Variants in SUCLG2 observed in about 807,000 individuals in gnomAD.
SUCLG2 encodes the protein succinate-CoA ligase GDP-forming subunit beta.
SUCLG2 carries 42 observed loss-of-function variants against 47.9 expected under a neutral mutation model. The observed-to-expected ratio is 0.88, with a 90% confidence interval of 0.69 to 1.14. The LOEUF is 1.14. Ranked by LOEUF, SUCLG2 falls within the 50% of genes most tolerant of loss-of-function variation. The probability of loss-of-function intolerance (pLI) is 0.00; values close to 1 mark genes in which losing one functional copy is unlikely to be tolerated. For synonymous variants in SUCLG2, 195 were observed against 197.3 expected, an observed-to-expected ratio of 0.99 and a Z score of 0.10; for missense variants, 571 against 525.9, an observed-to-expected ratio of 1.09 and a Z score of -0.84.
chr3:67,543,199 C>T (rs1706763776), intron 2 of SUCLG2, among the ~76,000 whole-genome samples: 1 of 152,230 alleles, frequency 6.6e-6, no homozygotes, highest in South Asian at 2.1e-4. Flanking sequence ...ATTCAACAAC[C>T]TGCTCCGGAA....
chr3:67,490,819 T>C (rs1228468518), intron 9 of SUCLG2, among the ~76,000 whole-genome samples: 3 of 152,104 alleles, frequency 2.0e-5, no homozygotes, highest in Non-Finnish European at 2.9e-5. Flanking sequence ...AAATGGCTAA[T>C]AAATACATGA....
At chr3:67,389,240 T>C (rs1005965849) in intron 10 of SUCLG2, among the ~76,000 whole-genome samples, 1 of 152,106 alleles carries the variant, frequency 6.6e-6, no homozygotes, top group Non-Finnish European at 1.5e-5. Flanking sequence ...AGAAGAATGA[T>C]GGCATAGTTG....
At position 67,377,452 on chromosome 3, in the gene SUCLG2, A is replaced by G. The variant is rs1245999787; in HGVS notation, c.1184-1593T>C. ...CAGTAGAGTGCTATTGCTGGAAAGC[A>G]GCTGCCCAGCCAGAAACTACATTTC... On this transcript the variant is annotated intron_variant, in intron 10 of 10. Transcript: ENST00000307227. Among the ~76,000 whole-genome samples, 5 of 150,284 alleles carry G rather than the reference A, an allele frequency of 3.3e-5. No homozygotes were observed. In the East Asian group the frequency reaches 9.9e-4, roughly 30 times the overall value.
intron 9 of SUCLG2, among the ~76,000 whole-genome samples, chr3:67,458,430 G>A (rs4327406): frequency 0.55 from 83,022 of 151,956 alleles, 23,848 homozygotes; most frequent in Middle Eastern, 0.65. Flanking sequence ...TTTACTGCAT[G>A]AGAACAATTC....
At chr3:67,530,550 G>C (rs1706375719) in intron 2 of SUCLG2, among the ~76,000 whole-genome samples, 1 of 152,176 alleles carries the variant, frequency 6.6e-6, no homozygotes, top group Non-Finnish European at 1.5e-5. Flanking sequence ...AGCTGTGGAA[G>C]GTTTTATCAT....
chr3:67,486,698 A>T (rs944737933), intron 9 of SUCLG2, among the ~76,000 whole-genome samples: 4 of 152,220 alleles, frequency 2.6e-5, no homozygotes, highest in African/African-American at 9.6e-5. Flanking sequence ...AATGCTAGAA[A>T]GCATTCAATA....
intron 9 of SUCLG2, among the ~76,000 whole-genome samples, chr3:67,481,328 C>T (rs1696901167): frequency 6.6e-6 from 1 of 152,228 alleles, no homozygotes; most frequent in African/African-American, 2.4e-5. Flanking sequence ...AGCATTACTG[C>T]TCTAGACCAC....
intron 1 of SUCLG2, among the ~76,000 whole-genome samples, chr3:67,653,374 CAGT>C (rs1379259848): frequency 6.6e-6 from 1 of 152,058 alleles, no homozygotes. Context: ...AAGAATATTA[CAGT>C]AGTAAGTATT....
intron 9 of SUCLG2, among the ~76,000 whole-genome samples, chr3:67,492,721 T>C (rs1157704929): frequency 6.6e-6 from 1 of 152,206 alleles, no homozygotes; most frequent in Middle Eastern, 3.2e-3. Flanking sequence ...AAAAAGACTC[T>C]TGTTTTATTC....
rs1462604533 is a variant in SUCLG2 at position 67,606,033 on chromosome 3, T to C, written c.226+3422A>G. Among the ~76,000 whole-genome samples, 6 of 151,902 alleles carry C rather than the reference T, an allele frequency of 3.9e-5. No individual in the cohort carries two copies. The East Asian group carries it at 1.2e-3, about 29-fold the overall frequency. ...GGGCAACACAGAGAGACCCCATCTC[T>C]ACAAAAAATAAAGACACAAAAATTA... On this transcript the variant is annotated intron_variant, in intron 2 of 10. Coordinates refer to ENST00000307227, the MANE Select transcript of SUCLG2 (RefSeq NM_003848.4).
chr3:67,556,087 C>T (rs1385389396), intron 2 of SUCLG2, among the ~76,000 whole-genome samples: 1 of 152,064 alleles, frequency 6.6e-6, no homozygotes, highest in Non-Finnish European at 1.5e-5. Flanking sequence ...AAAGACCTGA[C>T]TTTTTTTTAA....
intron 5 of SUCLG2, 87 bp downstream of exon 5, chr3:67,520,395 C>A: frequency 6.4e-7 from 1 of 1,570,272 alleles, no homozygotes; most frequent in Non-Finnish European, 8.8e-7. Flanking sequence ...AGATTTAGTG[C>A]TCCTGGCCTT....
chr3:67,539,976 A>G (rs1306607258), intron 2 of SUCLG2, among the ~76,000 whole-genome samples: 2 of 151,400 alleles, frequency 1.3e-5, no homozygotes, highest in Non-Finnish European at 2.9e-5. Context: ...CTAGCAGACT[A>G]TCTATTTTGT....
intron 9 of SUCLG2, among the ~76,000 whole-genome samples, chr3:67,420,260 G>C (rs772675469): frequency 6.6e-6 from 1 of 152,244 alleles, no homozygotes; most frequent in East Asian, 1.9e-4. Flanking sequence ...CTACAAAATA[G>C]GCAACGTAAT....
At chr3:67,614,692 G>A (rs1356241398) in intron 1 of SUCLG2, among the ~76,000 whole-genome samples, 2 of 152,038 alleles carry the variant, frequency 1.3e-5, no homozygotes, top group African/African-American at 2.4e-5. Flanking sequence ...CCCTATACTG[G>A]AGAAGTTTCC....
At chr3:67,489,555 C>A (rs4349513) in intron 9 of SUCLG2, among the ~76,000 whole-genome samples, 80,354 of 152,000 alleles carry the variant, frequency 0.53, 22,451 homozygotes, top group Middle Eastern at 0.63. Context: ...TATTTTCAAG[C>A]AAACCTGCAA....
chr3:67,364,543 G>T (rs1186704570), intron 10 of SUCLG2, among the ~76,000 whole-genome samples: 1 of 152,168 alleles, frequency 6.6e-6, no homozygotes, highest in East Asian at 1.9e-4. Context: ...TTCAGTCAGT[G>T]GAGGCGTAAT....
At chr3:67,478,667 G>A (rs1310691894) in intron 9 of SUCLG2, among the ~76,000 whole-genome samples, 1 of 152,106 alleles carries the variant, frequency 6.6e-6, no homozygotes, top group Non-Finnish European at 1.5e-5. Flanking sequence ...CAACTATTCA[G>A]GCACAGAGAC....
intron 2 of SUCLG2, among the ~76,000 whole-genome samples, chr3:67,540,650 G>A (rs927710184): frequency 2.6e-5 from 4 of 152,166 alleles, no homozygotes; most frequent in South Asian, 2.1e-4. Flanking sequence ...CCTGCCTCCC[G>A]GCTCTGAATA....
Sources: allele counts gnomAD v4.1 joint callset (sites outside exome capture counted in the v4.1 genomes callset), GRCh38; gene constraint gnomAD v4.1.1; transcripts MANE v1.5; gene names NCBI Gene and HGNC (gene_info 2026-07-23, HGNC 2026-07-21).